Variants in LINGO2 observed in about 807,000 individuals in gnomAD.
LINGO2 encodes leucine rich repeat and Ig domain containing 2, also known as leucine-rich repeat and immunoglobulin-like domain-containing nogo receptor-interacting protein 2.
A neutral mutation model predicts 30.6 loss-of-function variants in LINGO2; 14 were observed. That is an observed-to-expected ratio of 0.46 (90% CI 0.30 to 0.72). The LOEUF (loss-of-function observed/expected upper bound fraction) is 0.72. Ranked by LOEUF, LINGO2 falls within the 30% of genes least tolerant of loss-of-function variation. The pLI, the probability that LINGO2 is intolerant of heterozygous loss-of-function variation, is 0.07. For missense variants in LINGO2, 729 were observed against 751.7 expected, an observed-to-expected ratio of 0.97 and a Z score of 0.35; for synonymous variants, 317 against 288.5, an observed-to-expected ratio of 1.10 and a Z score of -1.00.
At chr9:28,512,620 TATATATATATATATATACAC>T (rs1820448641) in intron 1 of LINGO2, among the ~76,000 whole-genome samples, 4 of 37,172 alleles carry the variant, frequency 1.1e-4, no homozygotes, top group East Asian at 1.4e-3. Context: ...TATATATATA[TATATATATATATATATACAC>T]ACATACATAC....
intron 4 of LINGO2, among the ~76,000 whole-genome samples, chr9:28,149,859 C>G (rs1306181986): frequency 6.6e-6 from 1 of 150,852 alleles, no homozygotes; most frequent in Non-Finnish European, 1.5e-5. Context: ...TGAGGAGCGC[C>G]TCTGCCCAGC....
intron 4 of LINGO2, among the ~76,000 whole-genome samples, chr9:28,123,229 T>C (rs933233563): frequency 1.3e-5 from 2 of 152,240 alleles, no homozygotes; most frequent in African/African-American, 4.8e-5. Context: ...CTTCTAGTTT[T>C]AATTATCTCC....
At chr9:29,177,259 T>A in the LINGO2 span, among the ~76,000 whole-genome samples, 4 of 152,256 alleles carry the variant, frequency 2.6e-5, no homozygotes, top group South Asian at 8.3e-4. Context: ...TTACAAAAAA[T>A]TTTTCCCAAT....
chr9:29,037,049 G>C, the LINGO2 span, among the ~76,000 whole-genome samples: 1 of 151,868 alleles, frequency 6.6e-6, no homozygotes, highest in East Asian at 1.9e-4. Flanking sequence ...AATTTCCAGT[G>C]ACGTTCATCT....
chr9:28,420,723 C>T (rs1218426516), intron 2 of LINGO2, among the ~76,000 whole-genome samples: 1 of 152,038 alleles, frequency 6.6e-6, no homozygotes, highest in African/African-American at 2.4e-5. Flanking sequence ...TGCTAAAGTT[C>T]AGAAAATTTT....
intron 1 of LINGO2, among the ~76,000 whole-genome samples, chr9:28,573,246 C>A (rs1466401023): frequency 6.6e-6 from 1 of 152,086 alleles, no homozygotes; most frequent in Non-Finnish European, 1.5e-5. Flanking sequence ...ATACACTTAT[C>A]CGGTTCAGAA....
intron 4 of LINGO2, among the ~76,000 whole-genome samples, chr9:28,096,093 A>T (rs1469452932): frequency 2.0e-5 from 3 of 152,196 alleles, no homozygotes; most frequent in Non-Finnish European, 2.9e-5. Context: ...GTGAGCCATG[A>T]TCACATGGCT....
the LINGO2 span, among the ~76,000 whole-genome samples, chr9:29,129,496 T>A: frequency 9.2e-5 from 14 of 152,238 alleles, no homozygotes; most frequent in African/African-American, 2.9e-4. Context: ...TGTGGAATTC[T>A]TCTCAACTAA....
At chr9:29,073,760 T>C in the LINGO2 span, among the ~76,000 whole-genome samples, 2 of 152,224 alleles carry the variant, frequency 1.3e-5, no homozygotes, top group African/African-American at 4.8e-5. Flanking sequence ...TTAATCTTAC[T>C]GGCTTCAGTG....
At chr9:28,493,185 G>A (rs1428519972) in intron 1 of LINGO2, among the ~76,000 whole-genome samples, 1 of 152,142 alleles carries the variant, frequency 6.6e-6, no homozygotes, top group Non-Finnish European at 1.5e-5. Flanking sequence ...ACCAAAGGAA[G>A]AAGGTCAAAG....
the LINGO2 span, among the ~76,000 whole-genome samples, chr9:29,140,124 G>C: frequency 6.6e-6 from 1 of 152,000 alleles, no homozygotes; most frequent in Non-Finnish European, 1.5e-5. Flanking sequence ...GACTAGAAAA[G>C]TTGGCTATTT....
intron 1 of LINGO2, among the ~76,000 whole-genome samples, chr9:28,491,376 C>T (rs1437910801): frequency 6.6e-6 from 1 of 152,140 alleles, no homozygotes; most frequent in Non-Finnish European, 1.5e-5. Context: ...CTTGCCATTC[C>T]ATCAGGCCCA....
chr9:28,751,719 A>G, the LINGO2 span, among the ~76,000 whole-genome samples: 1 of 151,978 alleles, frequency 6.6e-6, no homozygotes, highest in African/African-American at 2.4e-5. Flanking sequence ...TTTATTGTAT[A>G]CTAGTTTATT....
the LINGO2 span, among the ~76,000 whole-genome samples, chr9:28,797,359 T>TACAGAGAGAG: frequency 2.3e-4 from 8 of 34,206 alleles, no homozygotes; most frequent in Non-Finnish European, 4.3e-4. Context: ...TATATATATA[T>TACAGAGAGAG]AGAGAGAGAG....
chr9:28,017,955 A>G (rs866191694), intron 4 of LINGO2, among the ~76,000 whole-genome samples: 1 of 152,218 alleles, frequency 6.6e-6, no homozygotes, highest in Non-Finnish European at 1.5e-5. Context: ...ACTTCAAGCT[A>G]TATTACAAAT....
At chr9:28,278,529 A>C (rs1823211568) in intron 4 of LINGO2, among the ~76,000 whole-genome samples, 1 of 152,178 alleles carries the variant, frequency 6.6e-6, no homozygotes, top group Non-Finnish European at 1.5e-5. Flanking sequence ...GGCCCTTAAG[A>C]AATATGTTAA....
the LINGO2 span, among the ~76,000 whole-genome samples, chr9:28,758,885 A>G: frequency 6.6e-6 from 1 of 152,070 alleles, no homozygotes; most frequent in Non-Finnish European, 1.5e-5. Flanking sequence ...AAAATCTTAA[A>G]TGTTTATGGA....
intron 1 of LINGO2, among the ~76,000 whole-genome samples, chr9:28,523,889 G>A (rs1820918882): frequency 6.7e-6 from 1 of 149,600 alleles, no homozygotes; most frequent in Non-Finnish European, 1.5e-5. Flanking sequence ...TGGAAACACA[G>A]TTGGCTTTTT....
chr9:28,759,556 C>T, the LINGO2 span, among the ~76,000 whole-genome samples: 1,890 of 151,960 alleles, frequency 0.012, 16 homozygotes, highest in Non-Finnish European at 0.018. Flanking sequence ...GTGACAGGCG[C>T]CTGCAGTCCC....
Sources: allele counts gnomAD v4.1 joint callset (sites outside exome capture counted in the v4.1 genomes callset), GRCh38; gene constraint gnomAD v4.1.1; transcripts MANE v1.5; gene names NCBI Gene and HGNC (gene_info 2026-07-23, HGNC 2026-07-21).